The following GALNT18 variants were observed in gnomAD, a reference collection of about 807,000 sequenced individuals.
The protein encoded by GALNT18 is GalNAc-transferase 18.
A neutral mutation model predicts 69.5 loss-of-function variants in GALNT18; 44 were observed. The ratio of observed to expected loss-of-function variants is 0.63; its 90% confidence interval spans 0.50 to 0.81. GALNT18 has a LOEUF of 0.81. GALNT18 is among the 40% of genes least tolerant of loss of function. GALNT18 has a pLI of 0.00. For missense variants in GALNT18, 715 were observed against 810.0 expected (o/e 0.88, Z 1.42); for synonymous variants, 364 against 318.2 (o/e 1.14, Z -1.53).
At chr11:11,460,697 C>T (rs757466170) in intron 1 of GALNT18, among the ~76,000 whole-genome samples, 6 of 152,184 alleles carry the variant, frequency 3.9e-5, no homozygotes, top group South Asian at 2.1e-4. Context: ...CCCACACAGA[C>T]GGAATCATTA....
intron 5 of GALNT18, among the ~76,000 whole-genome samples, chr11:11,373,187 A>C (rs1000487727): frequency 2.6e-5 from 4 of 152,024 alleles, no homozygotes; most frequent in Admixed American, 1.3e-4. Context: ...TTTTTTCAAA[A>C]GAATAGTTAG....
rs1854380913 is a variant in GALNT18 at position 11,398,288 on chromosome 11, G to A, written c.596-19024C>T. Reference sequence around the variant, plus strand: ...GTCCTAGGATAAACCCATGCTCTGGGCATTACTACCTTGGCTAGCTCTGCC... The same window carrying A: ...GTCCTAGGATAAACCCATGCTCTGGACATTACTACCTTGGCTAGCTCTGCC... On this transcript the variant is annotated intron_variant, in intron 3 of 10. Coordinates refer to ENST00000227756, the MANE Select transcript of GALNT18 (RefSeq NM_198516.3). 1.3e-5 allele frequency among the ~76,000 whole-genome samples: 2 copies of A among 152,150 alleles called. 1 individual carries two copies. Among genetic ancestry groups the A allele is most frequent in the South Asian group, 4.1e-4 (2 of 4,822 alleles).
At chr11:11,282,607 C>T (rs760185206) in intron 10 of GALNT18, among the ~76,000 whole-genome samples, 3 of 152,144 alleles carry the variant, frequency 2.0e-5, no homozygotes, top group Admixed American at 6.5e-5. Flanking sequence ...CAGCCCTTGC[C>T]TATCACAGTG....
At chr11:11,434,871 G>C (rs1589998778) in intron 2 of GALNT18, among the ~76,000 whole-genome samples, 1 of 152,164 alleles carries the variant, frequency 6.6e-6, no homozygotes, top group African/African-American at 2.4e-5. Context: ...AAAGATTTAT[G>C]GTTGACAGTC....
chr11:11,332,108 C>T lies in GALNT18; in HGVS notation c.1416+586G>A, dbSNP rs370281915. Among the ~76,000 whole-genome samples, 55 of 152,252 alleles carry T rather than the reference C, an allele frequency of 3.6e-4. No homozygotes were observed. In the South Asian group the frequency reaches 0.01, roughly 29 times the overall value. On this transcript the variant is annotated intron_variant, in intron 8 of 10. Transcript: ENST00000227756. This position sits in a 1 kb window ranked among gnomAD's most constrained non-coding sequence, Gnocchi z 4.3. ...TTAAGACACTTACCTGGGAAGCAGCCTGGTTAAGATTTGAACCAGGTCTGT... is the reference window on the plus strand; with the variant it reads ...TTAAGACACTTACCTGGGAAGCAGCTTGGTTAAGATTTGAACCAGGTCTGT...
chr11:11,287,423 C>G (rs1849214271), intron 10 of GALNT18, among the ~76,000 whole-genome samples: 1 of 152,148 alleles, frequency 6.6e-6, no homozygotes, highest in Non-Finnish European at 1.5e-5. Flanking sequence ...CTTGTTACTA[C>G]CGAGAGTCAG....
chr11:11,330,561 G>A (rs1210587529), intron 8 of GALNT18, among the ~76,000 whole-genome samples: 1 of 152,148 alleles, frequency 6.6e-6, no homozygotes, highest in Non-Finnish European at 1.5e-5. Context: ...GGGGGTCAGA[G>A]CCCTCTGCCA....
In GALNT18 at chr11:11,332,750, G is replaced by C; in HGVS notation, c.1360C>G (p.Leu454Val). The stretch of plus-strand genomic sequence containing the variant: ...CTCATCTCTGGGTACACGCTGACCA[G>C]GTACCACCGGAAGGTCTTGCACTGC... Reference protein sequence around the residue: ...QLQCKTFRWYLVSVYPEMRMY... With the variant: ...QLQCKTFRWYVVSVYPEMRMY... Residue 454 changes from leucine to valine, a missense_variant, in exon 8 of 11, where the codon CTG (leucine) becomes GTG (valine). Transcript: ENST00000227756. The surrounding 1 kb of genome is among the most constrained non-coding windows in gnomAD (Gnocchi z 4.3). 6.2e-7 allele frequency: 1 copy of C among 1,614,096 alleles called. No individual in the cohort carries two copies. The highest frequency in any genetic ancestry group is 8.5e-7 in the Non-Finnish European group (1 of 1,179,978).
At chr11:11,556,616 T>C (rs548977861) in intron 1 of GALNT18, among the ~76,000 whole-genome samples, 6 of 152,368 alleles carry the variant, frequency 3.9e-5, no homozygotes, top group East Asian at 3.9e-4. Flanking sequence ...CTACAGACCA[T>C]GCAACTGCAA....
At chr11:11,427,186 G>A (rs1012720632) in intron 3 of GALNT18, among the ~76,000 whole-genome samples, 1 of 152,220 alleles carries the variant, frequency 6.6e-6, no homozygotes, top group Non-Finnish European at 1.5e-5. Context: ...GGAGCTTGTT[G>A]AGAAAGTTGC....
intron 1 of GALNT18, among the ~76,000 whole-genome samples, chr11:11,532,354 C>A (rs887266846): frequency 6.6e-5 from 10 of 152,244 alleles, no homozygotes; most frequent in Middle Eastern, 3.4e-3. Context: ...AGTAAGAAAC[C>A]AGGGCTCAGA....
intron 1 of GALNT18, among the ~76,000 whole-genome samples, chr11:11,481,249 C>A (rs1464662119): frequency 6.7e-6 from 1 of 150,010 alleles, no homozygotes; most frequent in Non-Finnish European, 1.5e-5. Flanking sequence ...TGTGCTACCC[C>A]TTGCCCTGGC....
At chr11:11,609,258 G>C (rs76751848) in intron 1 of GALNT18, among the ~76,000 whole-genome samples, 1 of 151,172 alleles carries the variant, frequency 6.6e-6, no homozygotes, top group Admixed American at 6.6e-5. Context: ...TTCCCAACCC[G>C]CCCCTCTCTG....
At chr11:11,333,043 G>A (rs1158336829) in intron 7 of GALNT18, among the ~76,000 whole-genome samples, 1 of 151,090 alleles carries the variant, frequency 6.6e-6, no homozygotes, top group African/African-American at 2.4e-5. Flanking sequence ...GCATTGCCGG[G>A]CCTTGTCATC....
rs530179511 is a variant in GALNT18, at chr11:11,613,219, A to G, written c.235+8140T>C. On this transcript the variant is annotated intron_variant, in intron 1 of 10. Coordinates refer to ENST00000227756, the MANE Select transcript of GALNT18 (RefSeq NM_198516.3). The surrounding 1 kb of genome is among the most constrained non-coding windows in gnomAD (Gnocchi z 4.2). ...CATATAACAAGGAATCCTCTTGCTTAAAGTTCCAGTTGGCTGCACTGGAAC... is the reference window on the plus strand; with the variant it reads ...CATATAACAAGGAATCCTCTTGCTTGAAGTTCCAGTTGGCTGCACTGGAAC... 3.3e-5 allele frequency among the ~76,000 whole-genome samples: 5 copies of G among 152,338 alleles called. No homozygotes were observed. The highest frequency in any genetic ancestry group is 3.3e-4 in the Admixed American group (5 of 15,306).
intron 1 of GALNT18, among the ~76,000 whole-genome samples, chr11:11,478,412 C>A (rs547952913): frequency 6.6e-6 from 1 of 152,086 alleles, no homozygotes; most frequent in Non-Finnish European, 1.5e-5. Flanking sequence ...GGGAGTAAAC[C>A]AAGAAAAAGG....
At chr11:11,277,247 T>G (rs1848969134) in intron 10 of GALNT18, among the ~76,000 whole-genome samples, 1 of 152,248 alleles carries the variant, frequency 6.6e-6, no homozygotes, top group Non-Finnish European at 1.5e-5. Flanking sequence ...TGGGAGGGTG[T>G]ATGTGTCCAG....
chr11:11,554,703 G>C (rs1447660745), intron 1 of GALNT18, among the ~76,000 whole-genome samples: 1 of 152,106 alleles, frequency 6.6e-6, no homozygotes, highest in Non-Finnish European at 1.5e-5. Flanking sequence ...CATCTTTTGG[G>C]AACTGATGCT....
chr11:11,451,373 A>G (rs961355263), intron 1 of GALNT18, among the ~76,000 whole-genome samples: 7 of 152,224 alleles, frequency 4.6e-5, no homozygotes, highest in African/African-American at 1.7e-4. Context: ...ACTAAGTAAA[A>G]TGAGATCAGT....
Sources: gnomAD v4.1 joint callset for allele counts (sites outside exome capture counted in the v4.1 genomes callset) on GRCh38, gnomAD v4.1.1 for gene constraint, Gnocchi (gnomAD v3.1) non-coding constraint, MANE v1.5 for transcripts, NCBI Gene and HGNC (gene_info 2026-07-23, HGNC 2026-07-21) for gene names.